Variants in NXPH1 observed in about 807,000 individuals in gnomAD.
The protein encoded by NXPH1 is neurexophilin 1.
NXPH1 carries 5 observed loss-of-function variants against 23.7 expected under a neutral mutation model. That is an observed-to-expected ratio of 0.21 (90% CI 0.11 to 0.44). The LOEUF (loss-of-function observed/expected upper bound fraction) is 0.44, where lower values mean the gene tolerates loss of function less well. NXPH1 is among the 20% of genes least tolerant of loss of function. The pLI is 0.99. For synonymous variants in NXPH1, 144 were observed against 122.2 expected (o/e 1.18, Z -1.18); for missense variants, 324 against 321.6 (o/e 1.01, Z -0.06).
At chr7:8,704,881 A>G (rs1779680204) in intron 2 of NXPH1, among the ~76,000 whole-genome samples, 1 of 152,160 alleles carries the variant, frequency 6.6e-6, no homozygotes, top group African/African-American at 2.4e-5. Flanking sequence ...AAATCCTCCT[A>G]AAGGTGAATC....
intron 2 of NXPH1, among the ~76,000 whole-genome samples, chr7:8,473,235 G>A (rs1816897879): frequency 1.3e-5 from 2 of 152,228 alleles, no homozygotes; most frequent in African/African-American, 4.8e-5. Context: ...ATGCTTTATT[G>A]AGCGGCTGTT....
At chr7:8,524,388 G>A (rs1489146367) in intron 2 of NXPH1, among the ~76,000 whole-genome samples, 6 of 152,006 alleles carry the variant, frequency 3.9e-5, no homozygotes, top group African/African-American at 1.5e-4. Context: ...GCTCTTAAAA[G>A]GAGTACCTCA....
intron 2 of NXPH1, among the ~76,000 whole-genome samples, chr7:8,645,756 G>C (rs1449970177): frequency 6.6e-6 from 1 of 151,876 alleles, no homozygotes; most frequent in Non-Finnish European, 1.5e-5. Context: ...TTGAGTTTTG[G>C]AGTACATTAC....
intron 2 of NXPH1, among the ~76,000 whole-genome samples, chr7:8,542,044 G>A (rs555168912): frequency 6.6e-6 from 1 of 151,308 alleles, no homozygotes; most frequent in African/African-American, 2.4e-5. Context: ...ATATTTTAAT[G>A]AAAAGGCAGA....
At chr7:8,717,894 G>A (rs199658996) in intron 2 of NXPH1, among the ~76,000 whole-genome samples, 62 of 147,178 alleles carry the variant, frequency 4.2e-4, no homozygotes, top group African/African-American at 1.3e-3. Flanking sequence ...CTCTCTGTGT[G>A]TATATATATA....
At chr7:8,469,817 T>C (rs1308409468) in intron 2 of NXPH1, among the ~76,000 whole-genome samples, 4 of 152,158 alleles carry the variant, frequency 2.6e-5, no homozygotes, top group African/African-American at 9.7e-5. Context: ...ACATTGTCTC[T>C]AATCCATGCA....
At chr7:8,663,416 G>T (rs1437916977) in intron 2 of NXPH1, among the ~76,000 whole-genome samples, 3 of 152,126 alleles carry the variant, frequency 2.0e-5, no homozygotes, top group Middle Eastern at 3.4e-3. Context: ...TAGCCCCATT[G>T]TAGATTAATT....
intron 2 of NXPH1, among the ~76,000 whole-genome samples, chr7:8,519,402 T>G (rs1045387803): frequency 2.6e-5 from 4 of 152,204 alleles, no homozygotes; most frequent in African/African-American, 9.6e-5. Context: ...TTAGCCATGT[T>G]GTTTGATTTA....
chr7:8,514,996 C>G, intron 2 of NXPH1, among the ~76,000 whole-genome samples: 1 of 152,064 alleles, frequency 6.6e-6, no homozygotes, highest in East Asian at 1.9e-4. Flanking sequence ...TTCTCCCTTC[C>G]CAAAGAACAT....
At chr7:8,625,396 AC>A (rs1819965954) in intron 2 of NXPH1, among the ~76,000 whole-genome samples, 1 of 152,230 alleles carries the variant, frequency 6.6e-6, no homozygotes, top group South Asian at 2.1e-4. Context: ...TCCATTATAA[AC>A]TTTTCTACAT....
intron 2 of NXPH1, among the ~76,000 whole-genome samples, chr7:8,586,499 T>G (rs1262365370): frequency 6.6e-6 from 1 of 151,958 alleles, no homozygotes; most frequent in Non-Finnish European, 1.5e-5. Flanking sequence ...TCAGAGAAGT[T>G]TCCAAAGAAG....
intron 2 of NXPH1, among the ~76,000 whole-genome samples, chr7:8,528,687 A>G (rs1269404754): frequency 6.6e-6 from 1 of 152,204 alleles, no homozygotes; most frequent in Non-Finnish European, 1.5e-5. Context: ...AAGAGTAGAA[A>G]GAGACCTTAG....
Position 8,461,626 on chromosome 7 carries a change from C to A in NXPH1, c.54+25859C>A, listed in dbSNP as rs530675853. On this transcript the variant is annotated intron_variant, in intron 2 of 2. Coordinates refer to ENST00000405863, the MANE Select transcript of NXPH1 (RefSeq NM_152745.3). ...CGGGTGGATCATGAGGTCAGGAGAT[C>A]GAGACCATCCTGGCTAACAAGGTGA... Among the ~76,000 whole-genome samples, 51 of 150,406 alleles carry A rather than the reference C, an allele frequency of 3.4e-4. No homozygotes were observed. The South Asian group carries it at 0.01, about 31-fold the overall frequency.
At chr7:8,521,652 G>A (rs926257763) in intron 2 of NXPH1, among the ~76,000 whole-genome samples, 1 of 152,110 alleles carries the variant, frequency 6.6e-6, no homozygotes, top group Non-Finnish European at 1.5e-5. Flanking sequence ...CTTTTGAAGG[G>A]GTTCGCAATT....
intron 2 of NXPH1, among the ~76,000 whole-genome samples, chr7:8,601,127 C>T (rs28413531): frequency 2.0e-5 from 3 of 152,064 alleles, no homozygotes; most frequent in Non-Finnish European, 2.9e-5. Context: ...GGTCCTGGAA[C>T]CAATGCCCCT....
At chr7:8,542,334 A>G (rs998971263) in intron 2 of NXPH1, among the ~76,000 whole-genome samples, 1 of 151,604 alleles carries the variant, frequency 6.6e-6, no homozygotes, top group African/African-American at 2.4e-5. Flanking sequence ...AAAATACATG[A>G]AGCAAAAATT....
chr7:8,620,116 T>C (rs1299395667), intron 2 of NXPH1, among the ~76,000 whole-genome samples: 1 of 152,084 alleles, frequency 6.6e-6, no homozygotes, highest in Non-Finnish European at 1.5e-5. Flanking sequence ...CTCACCTCAG[T>C]GCAACACAGA....
In NXPH1 at chr7:8,442,073, G is replaced by C. The variant is rs1191373824; in HGVS notation, c.54+6306G>C. Among the ~76,000 whole-genome samples, 1 of 152,116 alleles carries C rather than the reference G, an allele frequency of 6.6e-6. No individual in the cohort carries two copies. The highest frequency in any genetic ancestry group is 2.4e-5 in the African/African-American group (1 of 41,394). ...GGGCGTTGGGACGGCACAAGCAGTGGGGTCCCAGGAGCAGCAAGACAGTAG... is the reference window on the plus strand; with the variant it reads ...GGGCGTTGGGACGGCACAAGCAGTGCGGTCCCAGGAGCAGCAAGACAGTAG... On this transcript the variant is annotated intron_variant, in intron 2 of 2. Transcript: ENST00000405863. This position sits in a 1 kb window ranked among gnomAD's most constrained non-coding sequence, Gnocchi z 4.6.
intron 2 of NXPH1, among the ~76,000 whole-genome samples, chr7:8,544,585 A>G (rs543684190): frequency 6.6e-5 from 10 of 151,740 alleles, no homozygotes; most frequent in Middle Eastern, 3.4e-3. Flanking sequence ...GTGCAGTGCA[A>G]TGTTATAATG....
Sources: gnomAD v4.1 joint callset for allele counts (sites outside exome capture counted in the v4.1 genomes callset) on GRCh38, gnomAD v4.1.1 for gene constraint, Gnocchi (gnomAD v3.1) non-coding constraint, MANE v1.5 for transcripts, NCBI Gene and HGNC (gene_info 2026-07-23, HGNC 2026-07-21) for gene names.